RANBP10: variants seen among roughly 807,000 people sequenced by gnomAD.
RANBP10 encodes RAN binding protein 10.
A neutral mutation model predicts 72.8 loss-of-function variants in RANBP10; 24 were observed. The ratio of observed to expected loss-of-function variants is 0.33; its 90% confidence interval spans 0.24 to 0.46. RANBP10 has a LOEUF of 0.46. Among genes scored for constraint, RANBP10 ranks in the 20% least tolerant of loss-of-function variants. The pLI, the probability that RANBP10 is intolerant of heterozygous loss-of-function variation, is 1.00. For missense variants in RANBP10, 679 were observed against 817.5 expected, an observed-to-expected ratio of 0.83 and a Z score of 2.07; for synonymous variants, 310 against 322.3, an observed-to-expected ratio of 0.96 and a Z score of 0.41.
intron 2 of RANBP10, among the ~76,000 whole-genome samples, chr16:67,802,322 A>G (rs1354911492): frequency 2.6e-5 from 4 of 152,188 alleles, no homozygotes; most frequent in South Asian, 2.1e-4. Flanking sequence ...ACAGGTATAC[A>G]TGACCTGAGA....
chr16:67,737,555 G>A (rs1229229642), intron 5 of RANBP10, among the ~76,000 whole-genome samples: 1 of 152,054 alleles, frequency 6.6e-6, no homozygotes, highest in African/African-American at 2.4e-5. Context: ...TCACCTCTCT[G>A]GCTTGGGGGT....
chr16:67,758,150 CA>C (rs892239725), intron 3 of RANBP10, among the ~76,000 whole-genome samples: 2 of 152,204 alleles, frequency 1.3e-5, no homozygotes, highest in African/African-American at 2.4e-5. Flanking sequence ...AGGAACGGCC[CA>C]GGGGGGCCAG....
In RANBP10 at chr16:67,730,058, A is replaced by C; in HGVS notation, c.890-12T>G. 1.9e-6 allele frequency: 3 copies of C among 1,609,564 alleles called. No homozygotes were observed. Among genetic ancestry groups the C allele is most frequent in the African/African-American group, 1.3e-5 (1 of 75,022 alleles). ...CAGCTTCTGGATCTCTGCAGGGTGC[A>C]AGAACACAGCAGTGAGCGAGGGCTA... On this transcript the variant is annotated splice_polypyrimidine_tract_variant and intron_variant, in intron 7 of 13. Coordinates refer to ENST00000317506, the MANE Select transcript of RANBP10 (RefSeq NM_020850.3). This position sits in a 1 kb window ranked among gnomAD's most constrained non-coding sequence, Gnocchi z 4.3.
chr16:67,804,364 G>A (rs912036879), intron 2 of RANBP10, among the ~76,000 whole-genome samples: 10 of 152,034 alleles, frequency 6.6e-5, no homozygotes, highest in Non-Finnish European at 1.0e-4. Context: ...TGTCTGCTTG[G>A]ATCATCCTAA....
chr16:67,788,682 T>A (rs985194241), intron 2 of RANBP10, among the ~76,000 whole-genome samples: 7 of 151,412 alleles, frequency 4.6e-5, no homozygotes, highest in Non-Finnish European at 7.4e-5. Context: ...GAGCCACCGC[T>A]CCTGCCCCCA....
chr16:67,806,421 A>G lies in RANBP10; in HGVS notation c.116T>C (p.Leu39Ser). The stretch of plus-strand genomic sequence containing the variant: ...GTTGACCGCGGGATACAGGCGCTGC[A>G]AGCGCCGGCTCAGCTCCTGCTCCCC... ...SPGEQELSRR[L>S]QRLYPAVNQQ... The change falls in exon 1 of 14, where the codon TTG (leucine) becomes TCG (serine). Residue 39 changes from leucine (L) to serine (S), a missense_variant. Leu to Ser is a moderately radical substitution (Grantham distance 145). Coordinates refer to ENST00000317506, the MANE Select transcript of RANBP10 (RefSeq NM_020850.3). 6.2e-7 allele frequency: 1 copy of G among 1,600,202 alleles called. No homozygotes were observed. The highest frequency in any genetic ancestry group is 8.5e-7 in the Non-Finnish European group (1 of 1,174,214).
intron 2 of RANBP10, among the ~76,000 whole-genome samples, chr16:67,788,441 T>C (rs1199925917): frequency 2.0e-5 from 3 of 150,904 alleles, no homozygotes; most frequent in Non-Finnish European, 4.4e-5. Flanking sequence ...ATTTTTTTAG[T>C]AGAGAGGGGG....
intron 2 of RANBP10, among the ~76,000 whole-genome samples, chr16:67,788,492 C>T (rs1437679654): frequency 6.6e-6 from 1 of 151,480 alleles, no homozygotes; most frequent in East Asian, 2.0e-4. Context: ...CTCCTGACCT[C>T]GTGATCCACC....
chr16:67,799,285 CTTTT>C (rs869030467), intron 2 of RANBP10, among the ~76,000 whole-genome samples: 5 of 113,978 alleles, frequency 4.4e-5, no homozygotes, highest in African/African-American at 7.5e-5. Context: ...CTCCACATCT[CTTTT>C]TTTTTTTTTT....
At chr16:67,771,491 G>A (rs142178805) in intron 3 of RANBP10, among the ~76,000 whole-genome samples, 4 of 152,118 alleles carry the variant, frequency 2.6e-5, no homozygotes, top group African/African-American at 9.6e-5. Flanking sequence ...GACTACAGGT[G>A]TGTGCCACCA....
At chr16:67,794,593 G>A (rs2055091926) in intron 2 of RANBP10, among the ~76,000 whole-genome samples, 1 of 145,224 alleles carries the variant, frequency 6.9e-6, no homozygotes, top group Non-Finnish European at 1.5e-5. Context: ...CACGATCTCG[G>A]CTCACTATAA....
At chr16:67,805,879 C>T (rs1235340594) in intron 1 of RANBP10, among the ~76,000 whole-genome samples, 1 of 152,222 alleles carries the variant, frequency 6.6e-6, no homozygotes, top group Non-Finnish European at 1.5e-5. Flanking sequence ...ACCTGGAAGA[C>T]ACCCCCCAAA....
In RANBP10 at chr16:67,728,613, C is replaced by T. The variant is rs746485431; in HGVS notation, c.1353-102G>A. The T allele has an allele frequency of 2.5e-6, 4 of 1,584,778 alleles. No homozygotes were observed. In the East Asian group the frequency reaches 9.0e-5, roughly 36 times the overall value. On this transcript the variant is annotated intron_variant, in intron 10 of 13. Coordinates refer to ENST00000317506, the MANE Select transcript of RANBP10 (RefSeq NM_020850.3). ...GTAGCCATGGGTTGCTGTGGGTGAA[C>T]CGAGGACCCCCAGGAACATGAAAGG...
At chr16:67,728,710 C>T in intron 10 of RANBP10, 199 bp from the exon 11 acceptor site, 1 of 976,234 alleles carries the variant, frequency 1.0e-6, no homozygotes, top group Admixed American at 2.6e-5. Flanking sequence ...GGCCTGTCAC[C>T]TGATTCCCAC....
intron 2 of RANBP10, among the ~76,000 whole-genome samples, chr16:67,779,909 A>G (rs2143014821): frequency 6.6e-6 from 1 of 152,300 alleles, no homozygotes; most frequent in South Asian, 2.1e-4. Flanking sequence ...AGTAAATGAC[A>G]GGAGAAAGAG....
chr16:67,726,525 A>C lies in RANBP10; in HGVS notation c.1766T>G (p.Met589Arg). The C allele has an allele frequency of 6.4e-7, 1 of 1,571,242 alleles. No homozygotes were observed. Among genetic ancestry groups the C allele is most frequent in the Non-Finnish European group, 8.6e-7 (1 of 1,157,924 alleles). The stretch of plus-strand genomic sequence containing the variant: ...CTCAGATGCCTGGCCCAGGGCGAGC[A>C]TCAGAGGGGGCTGCTTTGGCAGGTT... Reference protein sequence around the residue: ...SQNLPKQPPLMLALGQASECL... With the variant: ...SQNLPKQPPLRLALGQASECL... The change falls in exon 14 of 14, where the codon ATG (methionine) becomes AGG (arginine). Residue 589 changes from methionine (M) to arginine (R), a missense_variant. Physicochemically the swap from Met to Arg is moderately conservative, Grantham distance 91 (BLOSUM62 -1). Transcript: ENST00000317506.
chr16:67,795,184 T>C (rs1217865063), intron 2 of RANBP10, among the ~76,000 whole-genome samples: 2 of 134,178 alleles, frequency 1.5e-5, no homozygotes, highest in Non-Finnish European at 3.2e-5. Flanking sequence ...GGAGGGGAGG[T>C]TGCAGAGCCA....
chr16:67,748,066 C>A (rs1382578302), intron 3 of RANBP10, among the ~76,000 whole-genome samples: 9 of 151,024 alleles, frequency 6.0e-5, no homozygotes, highest in African/African-American at 2.2e-4. Context: ...ACCTCACGAT[C>A]CACCCACCTC....
chr16:67,764,027 C>T (rs2054450464), intron 3 of RANBP10, among the ~76,000 whole-genome samples: 2 of 152,088 alleles, frequency 1.3e-5, no homozygotes, highest in South Asian at 4.1e-4. Context: ...AGGAACTAGA[C>T]CCAAGAGGAA....
Sources: gnomAD v4.1 joint callset for allele counts (sites outside exome capture counted in the v4.1 genomes callset) on GRCh38, gnomAD v4.1.1 for gene constraint, Gnocchi (gnomAD v3.1) non-coding constraint, MANE v1.5 for transcripts, NCBI Gene and HGNC (gene_info 2026-07-23, HGNC 2026-07-21) for gene names.